The following SUCLG2 variants were observed in gnomAD, a reference collection of about 807,000 sequenced individuals.
The protein encoded by SUCLG2 is succinate--CoA ligase [GDP-forming] subunit beta, mitochondrial.
A neutral mutation model predicts 47.9 loss-of-function variants in SUCLG2; 42 were observed. The observed-to-expected ratio is 0.88, with a 90% CI of 0.69 to 1.14. The LOEUF (loss-of-function observed/expected upper bound fraction) is 1.14. Ranked by LOEUF, SUCLG2 falls within the 50% of genes most tolerant of loss-of-function variation. The pLI is 0.00. For missense variants in SUCLG2, 571 were observed against 525.9 expected (o/e 1.09, Z -0.84); for synonymous variants, 195 against 197.3 (o/e 0.99, Z 0.10).
In SUCLG2 at chr3:67,384,738, C is replaced by T. The variant is rs138194189; in HGVS notation, c.1184-8879G>A. On this transcript the variant is annotated intron_variant, in intron 10 of 10. Coordinates refer to ENST00000307227, the MANE Select transcript of SUCLG2 (RefSeq NM_003848.4). ...GAATTGACAATGGCAAATATTGGCT[C>T]GAATTTCCACTCCCTCCACCCCTTC... Among the ~76,000 whole-genome samples, 811 of 152,238 alleles carry T rather than the reference C, an allele frequency of 5.3e-3. 7 individuals carry two copies. Among genetic ancestry groups the T allele is most frequent in the African/African-American group, 0.018 (760 of 41,540 alleles).
chr3:67,559,036 T>A (rs1293874388), intron 2 of SUCLG2, among the ~76,000 whole-genome samples: 1 of 152,176 alleles, frequency 6.6e-6, no homozygotes, highest in Admixed American at 6.5e-5. Context: ...AACTATCAAG[T>A]TTTTATGTGG....
chr3:67,608,553 A>G (rs1700466707), intron 2 of SUCLG2, among the ~76,000 whole-genome samples: 1 of 152,108 alleles, frequency 6.6e-6, no homozygotes, highest in Non-Finnish European at 1.5e-5. Context: ...CCACTGTTGT[A>G]CTATTCTTCA....
chr3:67,393,918 G>A (rs1702458676), intron 10 of SUCLG2, among the ~76,000 whole-genome samples: 1 of 152,168 alleles, frequency 6.6e-6, no homozygotes. Flanking sequence ...ACAGGGTCTG[G>A]AGTGGACCTC....
At chr3:67,631,456 C>G (rs1168484843) in intron 1 of SUCLG2, among the ~76,000 whole-genome samples, 1 of 151,822 alleles carries the variant, frequency 6.6e-6, no homozygotes, top group Non-Finnish European at 1.5e-5. Flanking sequence ...GGTGAAACCC[C>G]GTCTCTACCA....
chr3:67,614,651 C>T (rs1700591886), intron 1 of SUCLG2, among the ~76,000 whole-genome samples: 1 of 152,012 alleles, frequency 6.6e-6, no homozygotes, highest in Admixed American at 6.6e-5. Flanking sequence ...AGGGGAATGG[C>T]AGTGATCCAC....
downstream of SUCLG2, among the ~76,000 whole-genome samples, chr3:67,371,955 C>T (rs1260108320): frequency 6.6e-6 from 1 of 152,136 alleles, no homozygotes; most frequent in Non-Finnish European, 1.5e-5. Context: ...TAGGATAGCA[C>T]AGGTAAAGTT....
intron 9 of SUCLG2, among the ~76,000 whole-genome samples, chr3:67,403,346 G>C (rs1702733098): frequency 6.6e-6 from 1 of 152,128 alleles, no homozygotes. Flanking sequence ...CAAAGATTAT[G>C]TATTTTCCCA....
Position 67,375,104 on chromosome 3 carries a change from A to G in SUCLG2, c.*640T>C. 4.1e-6 allele frequency: 4 copies of G among 985,758 alleles called. No individual in the cohort carries two copies. Among genetic ancestry groups the G allele is most frequent in the Non-Finnish European group, 4.8e-6 (4 of 829,860 alleles). 61.1% of individuals were successfully genotyped at this position (985,758 alleles called of 1,614,324 possible). A position where few individuals can be genotyped will look rare whatever the true frequency, so the allele number is the denominator to read the frequency against. ...GTGTGAGGTAAACAGTATATTCAAT[A>G]TTAAGGCAAATGGTAAAAACACATG... On this transcript the variant is annotated 3_prime_UTR_variant, in exon 11 of 11. Transcript: ENST00000307227.
intron 1 of SUCLG2, among the ~76,000 whole-genome samples, chr3:67,627,158 G>A (rs1457102216): frequency 1.3e-5 from 2 of 151,570 alleles, no homozygotes; most frequent in African/African-American, 2.4e-5. Flanking sequence ...AGAGGTTCTC[G>A]ATATATGCTT....
chr3:67,388,908 G>C (rs1702315707), intron 10 of SUCLG2, among the ~76,000 whole-genome samples: 1 of 152,166 alleles, frequency 6.6e-6, no homozygotes, highest in East Asian at 1.9e-4. Context: ...GGAAGGAGTG[G>C]GTAGAGGATC....
chr3:67,535,435 G>T (rs553139846), intron 2 of SUCLG2, among the ~76,000 whole-genome samples: 5 of 152,082 alleles, frequency 3.3e-5, no homozygotes, highest in Non-Finnish European at 5.9e-5. Context: ...GGGACTTGCT[G>T]CCAAGTGCTA....
intron 2 of SUCLG2, among the ~76,000 whole-genome samples, chr3:67,542,566 G>A (rs1183939516): frequency 2.0e-5 from 3 of 152,160 alleles, no homozygotes; most frequent in South Asian, 2.1e-4. Flanking sequence ...ACCCATCAGT[G>A]TGCTGTATTC....
chr3:67,619,319 A>G (rs933079103), intron 1 of SUCLG2, among the ~76,000 whole-genome samples: 2 of 152,234 alleles, frequency 1.3e-5, no homozygotes, highest in South Asian at 4.1e-4. Context: ...CAGATAAGCA[A>G]AAGAAGGTTC....
intron 9 of SUCLG2, among the ~76,000 whole-genome samples, chr3:67,457,078 C>T (rs1704205262): frequency 2.0e-5 from 3 of 152,124 alleles, no homozygotes; most frequent in Non-Finnish European, 4.4e-5. Flanking sequence ...ACATGGAAGG[C>T]TCATCACAAG....
At chr3:67,530,960 A>G (rs1436295099) in intron 2 of SUCLG2, among the ~76,000 whole-genome samples, 6 of 152,232 alleles carry the variant, frequency 3.9e-5, no homozygotes, top group Non-Finnish European at 7.3e-5. Flanking sequence ...AGTTAAACAG[A>G]CCTGGTTAAA....
At chr3:67,605,747 A>G (rs1327943299) in intron 2 of SUCLG2, among the ~76,000 whole-genome samples, 1 of 152,076 alleles carries the variant, frequency 6.6e-6, no homozygotes, top group Non-Finnish European at 1.5e-5. Context: ...GATTTTGTCA[A>G]TCCTTTTATC....
Position 67,616,546 on chromosome 3 carries a change from A to T in SUCLG2, c.85-6950T>A, listed in dbSNP as rs541733469. Among the ~76,000 whole-genome samples the T allele has an allele frequency of 1.1e-4, 17 of 152,272 alleles. No homozygotes were observed. The East Asian group carries it at 2.7e-3, about 24-fold the overall frequency. ...GAAATTTCAACCTAATCTATAATTT[A>T]AAAAAATTTTTTTAATAATGAATTT... On this transcript the variant is annotated intron_variant, in intron 1 of 10. Coordinates refer to ENST00000307227, the MANE Select transcript of SUCLG2 (RefSeq NM_003848.4).
At chr3:67,402,666 T>C (rs190148976) in intron 9 of SUCLG2, among the ~76,000 whole-genome samples, 3 of 152,322 alleles carry the variant, frequency 2.0e-5, no homozygotes, top group African/African-American at 7.2e-5. Context: ...GGGTCCATGA[T>C]AGAAACTCAG....
chr3:67,528,075 T>C (rs1706302081), intron 4 of SUCLG2, 57 bp downstream of exon 4: 2 of 1,487,922 alleles, frequency 1.3e-6, no homozygotes, highest in Non-Finnish European at 1.9e-6. Context: ...TGAAGGATGG[T>C]TTTCTTTTCT....
Sources: allele counts gnomAD v4.1 joint callset (sites outside exome capture counted in the v4.1 genomes callset), GRCh38; gene constraint gnomAD v4.1.1; transcripts MANE v1.5; gene names NCBI Gene and HGNC (gene_info 2026-07-23, HGNC 2026-07-21).